Variants in HCN4 observed in about 807,000 individuals in gnomAD.
HCN4 encodes the protein potassium/sodium hyperpolarization-activated cyclic nucleotide-gated channel 4.
In HCN4, 29 loss-of-function variants were observed where a neutral mutation model predicts 76.9. The observed-to-expected ratio is 0.38, with a 90% CI of 0.28 to 0.51. The LOEUF is 0.51. Ranked by LOEUF, HCN4 falls within the 20% of genes least tolerant of loss-of-function variation. HCN4 has a pLI of 0.90. For missense variants in HCN4, 1,416 were observed against 1,715.2 expected, an observed-to-expected ratio of 0.83 and a Z score of 3.08; for synonymous variants, 772 against 762.5, an observed-to-expected ratio of 1.01 and a Z score of -0.21.
intron 1 of HCN4, among the ~76,000 whole-genome samples, chr15:73,364,951 C>T (rs888337479): frequency 6.6e-6 from 1 of 152,236 alleles, no homozygotes; most frequent in Non-Finnish European, 1.5e-5. Flanking sequence ...CTTTATTAAA[C>T]CAGTTCTGCT....
chr15:73,366,222 A>T (rs1436923425), intron 1 of HCN4, among the ~76,000 whole-genome samples: 1 of 152,166 alleles, frequency 6.6e-6, no homozygotes, highest in East Asian at 1.9e-4. Flanking sequence ...ATTTTAAGCC[A>T]CCGAGTGTTG....
chr15:73,340,805 C>A (rs895497498), intron 2 of HCN4, among the ~76,000 whole-genome samples: 1 of 152,326 alleles, frequency 6.6e-6, no homozygotes, highest in East Asian at 1.9e-4. Context: ...GAAGTCCAGT[C>A]CCCCATGGAG....
Position 73,323,015 on chromosome 15 carries a change from G to C in HCN4, c.3078C>G (p.Ser1026Arg). ...PVGFTPRGGL[S>R]PPGHSPGPPR... is the part of the protein sequence containing the mutation. The stretch of plus-strand genomic sequence containing the variant: ...GGGGGCCTGGGCTGTGGCCAGGGGG[G>C]CTGAGACCTCCTCGGGGAGTAAAGC... The change falls in exon 8 of 8, where the codon AGC becomes AGG. Residue 1026 changes from serine to arginine, a missense_variant. Physicochemically the swap from Ser to Arg is moderately radical, Grantham distance 110 (BLOSUM62 -1). Transcript: ENST00000261917. 2.0e-6 allele frequency: 3 copies of C among 1,474,048 alleles called. No individual in the cohort carries two copies. Among genetic ancestry groups the C allele is most frequent in the South Asian group, 1.4e-5 (1 of 71,062 alleles). The allele number at this position is 1,474,048 out of a possible 1,614,324, so 91.3% of individuals were successfully genotyped here.
intron 2 of HCN4, among the ~76,000 whole-genome samples, chr15:73,335,884 G>T (rs1183921837): frequency 6.6e-6 from 1 of 152,124 alleles, no homozygotes; most frequent in Non-Finnish European, 1.5e-5. Flanking sequence ...AGTACCCTTA[G>T]AAAGACCCAA....
chr15:73,359,861 C>T (rs886238075), intron 1 of HCN4, among the ~76,000 whole-genome samples: 2 of 152,160 alleles, frequency 1.3e-5, no homozygotes, highest in African/African-American at 4.8e-5. Flanking sequence ...AGAAAGATAC[C>T]ACTGGACACT....
At chr15:73,347,117 AC>A in intron 1 of HCN4, among the ~76,000 whole-genome samples, 1 of 152,160 alleles carries the variant, frequency 6.6e-6, no homozygotes, top group East Asian at 1.9e-4. Context: ...ATTCATAAAG[AC>A]CCCAAAACAC....
chr15:73,345,406 C>T (rs567584559), intron 1 of HCN4, among the ~76,000 whole-genome samples: 2 of 152,280 alleles, frequency 1.3e-5, no homozygotes, highest in Non-Finnish European at 2.9e-5. Context: ...AGGCCAACTT[C>T]AGCTCCTCTC....
At chr15:73,364,208 G>C (rs755975715) in intron 1 of HCN4, among the ~76,000 whole-genome samples, 12 of 152,044 alleles carry the variant, frequency 7.9e-5, no homozygotes, top group Non-Finnish European at 1.3e-4. Flanking sequence ...AGCCAGCTTT[G>C]GGGGCGCAGC....
intron 2 of HCN4, among the ~76,000 whole-genome samples, chr15:73,335,026 G>A (rs1339471413): frequency 6.6e-6 from 1 of 152,034 alleles, no homozygotes; most frequent in Non-Finnish European, 1.5e-5. Context: ...AGGGCACAGG[G>A]AGAAGGCGGC....
intron 1 of HCN4, among the ~76,000 whole-genome samples, chr15:73,344,181 C>A (rs978067488): frequency 1.3e-5 from 2 of 152,216 alleles, no homozygotes; most frequent in Non-Finnish European, 2.9e-5. Flanking sequence ...CCACCCCAGG[C>A]TCAGGCTAGG....
chr15:73,339,964 G>GT (rs1257003956), intron 2 of HCN4, among the ~76,000 whole-genome samples: 5 of 152,200 alleles, frequency 3.3e-5, no homozygotes, highest in African/African-American at 9.6e-5. Context: ...AGAGATAAAG[G>GT]TTTGTGTGTG....
At chr15:73,332,670 G>C (rs915689087) in intron 2 of HCN4, among the ~76,000 whole-genome samples, 3 of 152,186 alleles carry the variant, frequency 2.0e-5, no homozygotes, top group Non-Finnish European at 4.4e-5. Flanking sequence ...CTGCCAGCCT[G>C]AGGCTCCTCA....
chr15:73,335,179 C>T (rs2042956155), intron 2 of HCN4: 1 of 152,274 alleles, frequency 6.6e-6, no homozygotes, highest in Admixed American at 6.5e-5. Flanking sequence ...GTTGTCACAG[C>T]CTGAGCTGAC....
In HCN4 at chr15:73,324,988, CCTT is replaced by C; in HGVS notation, c.1942_1944del (p.Lys648del). Reference sequence around the variant, plus strand: ...TAGGAGCCGTCGGCCAGCTTGGTCTCCTTGTTGCCCTTGGTGAGCACGCTGACC... The same window carrying C: ...TAGGAGCCGTCGGCCAGCTTGGTCTCGTTGCCCTTGGTGAGCACGCTGACC... On this transcript the variant is annotated inframe_deletion, in exon 6 of 8. Coordinates refer to ENST00000261917, the MANE Select transcript of HCN4 (RefSeq NM_005477.3). 6.2e-7 allele frequency: 1 copy of C among 1,614,188 alleles called. No individual in the cohort carries two copies. Among genetic ancestry groups the C allele is most frequent in the South Asian group, 1.1e-5 (1 of 91,082 alleles).
At chr15:73,355,907 G>A (rs950258545) in intron 1 of HCN4, among the ~76,000 whole-genome samples, 1 of 152,094 alleles carries the variant, frequency 6.6e-6, no homozygotes, top group African/African-American at 2.4e-5. Context: ...GGGAAGATGG[G>A]GGAGGTAACA....
intron 6 of HCN4, among the ~76,000 whole-genome samples, chr15:73,324,704 G>A (rs1477345119): frequency 1.3e-5 from 2 of 152,104 alleles, no homozygotes; most frequent in East Asian, 3.9e-4. Flanking sequence ...AACCATGCTG[G>A]CCCCCTCAGC....
intron 2 of HCN4, among the ~76,000 whole-genome samples, chr15:73,337,465 CA>C: frequency 6.6e-6 from 1 of 152,356 alleles, no homozygotes; most frequent in East Asian, 1.9e-4. Context: ...TCACAGGCCA[CA>C]GTAACTGCTC....
chr15:73,367,806 G>A lies in HCN4; in HGVS notation c.465C>T (p.Pro155=), dbSNP rs956956393. The A allele has an allele frequency of 4.0e-6, 5 of 1,245,516 alleles. No homozygotes were observed. Among genetic ancestry groups the A allele is most frequent in the Non-Finnish European group, 5.0e-6 (5 of 1,001,070 alleles). The allele number at this position is 1,245,516 out of a possible 1,614,324, so 77.2% of individuals were successfully genotyped here. A position where few individuals can be genotyped will look rare whatever the true frequency, so the allele number is the denominator to read the frequency against. ...AGGCTGCGGGCTGCGCCGAGGCGCC[G>A]GGGCGCTCGGGCTCGGCCGCCAGGC... ...PPGLAAEPER[P]GASAQPAASP... The change falls in exon 1 of 8, where the codon CCC becomes CCT. Residue 155 remains proline, a synonymous_variant. Transcript: ENST00000261917. The surrounding 1 kb of genome is among the most constrained non-coding windows in gnomAD (Gnocchi z 7.5).
intron 4 of HCN4, among the ~76,000 whole-genome samples, chr15:73,329,156 T>A (rs1216521770): frequency 6.6e-6 from 1 of 151,880 alleles, no homozygotes; most frequent in African/African-American, 2.4e-5. Context: ...TGGCAGTGAC[T>A]GGGAAGAGAA....
Sources: gnomAD v4.1 joint callset for allele counts (sites outside exome capture counted in the v4.1 genomes callset) on GRCh38, gnomAD v4.1.1 for gene constraint, Gnocchi (gnomAD v3.1) non-coding constraint, MANE v1.5 for transcripts, NCBI Gene and HGNC (gene_info 2026-07-23, HGNC 2026-07-21) for gene names.